LPAR3: variants seen among roughly 807,000 people sequenced by gnomAD.
LPAR3 encodes LPA receptor 3.
A neutral mutation model predicts 17.8 loss-of-function variants in LPAR3; 7 were observed. That is an observed-to-expected ratio of 0.39 (90% CI 0.22 to 0.74). The LOEUF (loss-of-function observed/expected upper bound fraction) is 0.74. Ranked by LOEUF, LPAR3 falls within the 30% of genes least tolerant of loss-of-function variation. LPAR3 has a pLI of 0.40. For missense variants in LPAR3, 391 were observed against 453.4 expected, an observed-to-expected ratio of 0.86 and a Z score of 1.25; for synonymous variants, 179 against 179.9, an observed-to-expected ratio of 0.99 and a Z score of 0.04.
intron 1 of LPAR3, among the ~76,000 whole-genome samples, chr1:84,888,989 A>G (rs571913702): frequency 3.9e-5 from 6 of 152,180 alleles, no homozygotes; most frequent in Admixed American, 1.3e-4. Context: ...AGGTGTACAA[A>G]TGATTCACAT....
chr1:84,869,419 G>C (rs1215985462), intron 1 of LPAR3, among the ~76,000 whole-genome samples: 2 of 151,902 alleles, frequency 1.3e-5, no homozygotes, highest in African/African-American at 2.4e-5. Context: ...CAGGTAATGA[G>C]AGAAAAAAAA....
At position 84,881,561 on chromosome 1, in the gene LPAR3, C is replaced by T. The variant is rs75411552; in HGVS notation, c.-19+11455G>A. ...TTCTGGGAGATTAACTGTTCATGCT[C>T]TAACACCTCAATTTAACAAGGAATG... On this transcript the variant is annotated intron_variant, in intron 1 of 2. Coordinates refer to ENST00000370611, the MANE Select transcript of LPAR3 (RefSeq NM_012152.3). Among the ~76,000 whole-genome samples the T allele has an allele frequency of 5.9e-5, 9 of 152,308 alleles. No individual in the cohort carries two copies. The East Asian group carries it at 1.7e-3, about 29-fold the overall frequency.
chr1:84,837,003 A>G (rs573050486), intron 2 of LPAR3, among the ~76,000 whole-genome samples: 3 of 150,576 alleles, frequency 2.0e-5, no homozygotes, highest in Admixed American at 1.3e-4. Context: ...CTATCACTAA[A>G]GGAAAAAACC....
At chr1:84,816,949 C>G (rs538635578) in intron 2 of LPAR3, among the ~76,000 whole-genome samples, 1 of 152,186 alleles carries the variant, frequency 6.6e-6, no homozygotes, top group Admixed American at 6.5e-5. Context: ...ATGTGATGCC[C>G]TTCAGGTTTT....
intron 1 of LPAR3, among the ~76,000 whole-genome samples, chr1:84,888,379 G>A (rs981504647): frequency 6.6e-5 from 10 of 152,180 alleles, no homozygotes; most frequent in Non-Finnish European, 1.5e-4. Context: ...AAACAGGGCA[G>A]GAGGTAAATG....
intron 2 of LPAR3, among the ~76,000 whole-genome samples, chr1:84,829,152 A>ATTTTTTTT (rs56095946): frequency 1.6e-4 from 9 of 55,550 alleles, no homozygotes; most frequent in Non-Finnish European, 2.4e-4. Flanking sequence ...CCTCTCTGCA[A>ATTTTTTTT]TTTTTTTTTT....
At chr1:84,867,972 T>C (rs1248800937) in intron 1 of LPAR3, among the ~76,000 whole-genome samples, 1 of 152,234 alleles carries the variant, frequency 6.6e-6, no homozygotes, top group East Asian at 1.9e-4. Flanking sequence ...TAAGCAAGGC[T>C]GCATTCTTGT....
At chr1:84,827,645 A>C (rs981248446) in intron 2 of LPAR3, among the ~76,000 whole-genome samples, 9 of 152,150 alleles carry the variant, frequency 5.9e-5, no homozygotes, top group African/African-American at 1.9e-4. Flanking sequence ...TGCCCCTAAC[A>C]GGCACTGCTG....
chr1:84,816,252 C>A (rs753477995), intron 2 of LPAR3, among the ~76,000 whole-genome samples: 3 of 152,176 alleles, frequency 2.0e-5, no homozygotes, highest in Non-Finnish European at 2.9e-5. Context: ...AAGTTTTTAG[C>A]CATACCACCC....
At chr1:84,815,111 A>T (rs1658907197) in intron 2 of LPAR3, among the ~76,000 whole-genome samples, 1 of 152,168 alleles carries the variant, frequency 6.6e-6, no homozygotes, top group Non-Finnish European at 1.5e-5. Flanking sequence ...ACACTATGAC[A>T]TTGGCATTAT....
chr1:84,818,116 G>A (rs1425033351), intron 2 of LPAR3, among the ~76,000 whole-genome samples: 1 of 152,050 alleles, frequency 6.6e-6, no homozygotes, highest in Non-Finnish European at 1.5e-5. Context: ...TTAAAATGAG[G>A]GCAGGATTAG....
chr1:84,821,102 A>T (rs1310219157), intron 2 of LPAR3, among the ~76,000 whole-genome samples: 4 of 151,278 alleles, frequency 2.6e-5, no homozygotes, highest in Non-Finnish European at 5.9e-5. Context: ...TTTTTTTTTA[A>T]AGTTTGAAAT....
chr1:84,856,964 A>G (rs1026341718), intron 2 of LPAR3, among the ~76,000 whole-genome samples: 5 of 152,228 alleles, frequency 3.3e-5, no homozygotes, highest in African/African-American at 1.2e-4. Context: ...TATAGGGACT[A>G]GCAATGTAAG....
chr1:84,854,953 A>G (rs1659789407), intron 2 of LPAR3, among the ~76,000 whole-genome samples: 2 of 152,190 alleles, frequency 1.3e-5, no homozygotes, highest in African/African-American at 4.8e-5. Context: ...TGATTCTTTG[A>G]GGTAATGGGA....
chr1:84,887,105 C>A (rs1660475214), intron 1 of LPAR3, among the ~76,000 whole-genome samples: 1 of 152,206 alleles, frequency 6.6e-6, no homozygotes, highest in South Asian at 2.1e-4. Flanking sequence ...GGGCTCATGC[C>A]TGTAATCCCA....
At chr1:84,878,515 C>T (rs571742373) in intron 1 of LPAR3, among the ~76,000 whole-genome samples, 4 of 152,286 alleles carry the variant, frequency 2.6e-5, no homozygotes, top group South Asian at 2.1e-4. Context: ...ACACCTCTCA[C>T]GCCTTCTCTT....
chr1:84,828,578 T>G (rs952372048), intron 2 of LPAR3, among the ~76,000 whole-genome samples: 2 of 152,202 alleles, frequency 1.3e-5, no homozygotes, highest in Non-Finnish European at 2.9e-5. Context: ...CTTTTTACCC[T>G]TTGAACTGGC....
chr1:84,861,283 T>C (rs1271615476), intron 2 of LPAR3, among the ~76,000 whole-genome samples: 1 of 152,206 alleles, frequency 6.6e-6, no homozygotes, highest in African/African-American at 2.4e-5. Flanking sequence ...ACATGTAGTA[T>C]GTAGGGAACT....
chr1:84,824,007 C>T (rs1161911890), intron 2 of LPAR3, among the ~76,000 whole-genome samples: 2 of 152,154 alleles, frequency 1.3e-5, no homozygotes, highest in African/African-American at 4.8e-5. Context: ...ACATATTAGG[C>T]TGTGGGCATG....
Sources: allele counts gnomAD v4.1 joint callset (sites outside exome capture counted in the v4.1 genomes callset), GRCh38; gene constraint gnomAD v4.1.1; transcripts MANE v1.5; gene names NCBI Gene and HGNC (gene_info 2026-07-23, HGNC 2026-07-21).